SNTG1: variants seen among roughly 807,000 people sequenced by gnomAD.
The protein encoded by SNTG1 is gamma-1-syntrophin.
SNTG1 carries 39 observed loss-of-function variants against 74.7 expected under a neutral mutation model. The observed-to-expected ratio is 0.52, with a 90% CI of 0.40 to 0.68. The LOEUF is 0.68. SNTG1 is among the 30% of genes least tolerant of loss of function. SNTG1 has a pLI of 0.00. For synonymous variants in SNTG1, 254 were observed against 217.1 expected (o/e 1.17, Z -1.49); for missense variants, 685 against 609.5 (o/e 1.12, Z -1.30).
intron 8 of SNTG1, among the ~76,000 whole-genome samples, chr8:50,471,977 G>A (rs1368097902): frequency 1.3e-5 from 2 of 151,858 alleles, no homozygotes; most frequent in Non-Finnish European, 2.9e-5. Context: ...AAAATATTTA[G>A]GATTAAACTT....
chr8:50,437,795 C>G (rs1587628230), intron 4 of SNTG1, among the ~76,000 whole-genome samples: 1 of 152,094 alleles, frequency 6.6e-6, no homozygotes, highest in African/African-American at 2.4e-5. Context: ...GATGACTGCC[C>G]AAAATCAGAG....
intron 8 of SNTG1, among the ~76,000 whole-genome samples, chr8:50,451,491 G>A (rs1250020092): frequency 2.0e-5 from 3 of 152,116 alleles, no homozygotes; most frequent in South Asian, 2.1e-4. Context: ...GTGTGGGGTG[G>A]TGGGGAGAAA....
intron 1 of SNTG1, among the ~76,000 whole-genome samples, chr8:49,978,827 T>C (rs896842517): frequency 5.3e-5 from 8 of 152,168 alleles, no homozygotes; most frequent in Admixed American, 5.2e-4. Context: ...GAAATGGATG[T>C]TTAAGAAGTT....
chr8:50,421,212 C>T (rs12216754), intron 4 of SNTG1, among the ~76,000 whole-genome samples: 141,150 of 152,088 alleles, frequency 0.93, 66,013 homozygotes, highest in Non-Finnish European at 1. Flanking sequence ...TGTGAATCCA[C>T]AGAGTAAAAT....
At chr8:50,300,578 G>A (rs2089601543) in intron 2 of SNTG1, among the ~76,000 whole-genome samples, 1 of 151,852 alleles carries the variant, frequency 6.6e-6, no homozygotes, top group South Asian at 2.1e-4. Context: ...TTTAGTGATA[G>A]ATTAAGTAAA....
chr8:50,436,116 A>C (rs1381083076), intron 4 of SNTG1, among the ~76,000 whole-genome samples: 1 of 152,200 alleles, frequency 6.6e-6, no homozygotes, highest in Non-Finnish European at 1.5e-5. Context: ...GCTGCTTAAA[A>C]TGCATTTGCT....
At chr8:50,629,832 T>G (rs1261612360) in intron 13 of SNTG1, among the ~76,000 whole-genome samples, 2 of 152,192 alleles carry the variant, frequency 1.3e-5, no homozygotes, top group African/African-American at 4.8e-5. Context: ...TGGTAGTTGA[T>G]ACATCTTATA....
At chr8:49,937,788 A>G (rs1039320559) in intron 1 of SNTG1, among the ~76,000 whole-genome samples, 2 of 152,148 alleles carry the variant, frequency 1.3e-5, no homozygotes, top group African/African-American at 4.8e-5. Flanking sequence ...GTGATTTTAC[A>G]TTTCCTTTTA....
chr8:50,068,885 TCA>T (rs1250448313), intron 1 of SNTG1, among the ~76,000 whole-genome samples: 1 of 152,192 alleles, frequency 6.6e-6, no homozygotes, highest in Non-Finnish European at 1.5e-5. Context: ...CCTAATCTAT[TCA>T]CAGTTACAAT....
chr8:50,673,936 A>G (rs1166796500), intron 15 of SNTG1, among the ~76,000 whole-genome samples: 1 of 152,070 alleles, frequency 6.6e-6, no homozygotes, highest in African/African-American at 2.4e-5. Context: ...TGAGATTATC[A>G]CGTGTTTTCT....
At chr8:50,572,525 C>T (rs1228853412) in intron 12 of SNTG1, among the ~76,000 whole-genome samples, 1 of 152,020 alleles carries the variant, frequency 6.6e-6, no homozygotes, top group Non-Finnish European at 1.5e-5. Context: ...ATCTAATCAT[C>T]CTAAGGCATT....
At chr8:50,464,824 T>C (rs903098108) in intron 8 of SNTG1, among the ~76,000 whole-genome samples, 7 of 152,054 alleles carry the variant, frequency 4.6e-5, no homozygotes, top group African/African-American at 1.7e-4. Flanking sequence ...TCTGTTAACA[T>C]AGTATCTGTT....
chr8:50,612,357 A>G (rs768286759), intron 13 of SNTG1, among the ~76,000 whole-genome samples: 2 of 152,316 alleles, frequency 1.3e-5, no homozygotes, highest in Admixed American at 6.5e-5. Context: ...CTACTATATG[A>G]ATGCTCTAAA....
chr8:50,117,965 G>A (rs2080878141), intron 1 of SNTG1, among the ~76,000 whole-genome samples: 1 of 152,064 alleles, frequency 6.6e-6, no homozygotes, highest in Non-Finnish European at 1.5e-5. Flanking sequence ...ATGTGAAGTT[G>A]GCCCTGGGGA....
At chr8:49,920,677 C>A (rs1409765749) in intron 1 of SNTG1, among the ~76,000 whole-genome samples, 1 of 151,982 alleles carries the variant, frequency 6.6e-6, no homozygotes, top group Non-Finnish European at 1.5e-5. Context: ...TTATCTTGAT[C>A]TTAATCTTAT....
At chr8:50,513,334 G>T (rs543818570) in intron 9 of SNTG1, among the ~76,000 whole-genome samples, 3 of 152,208 alleles carry the variant, frequency 2.0e-5, no homozygotes, top group African/African-American at 7.2e-5. Flanking sequence ...CTACTGGGGG[G>T]TGCCTCTCAG....
intron 13 of SNTG1, among the ~76,000 whole-genome samples, chr8:50,621,651 C>A (rs748042204): frequency 5.9e-5 from 9 of 152,108 alleles, no homozygotes; most frequent in Non-Finnish European, 1.3e-4. Context: ...CCTGAGACAG[C>A]CAACAGACAA....
rs780375553 is a variant in SNTG1, at chr8:50,792,701, C to T, written c.1426C>T (p.Leu476Phe). The T allele has an allele frequency of 1.6e-5, 25 of 1,609,724 alleles. No individual in the cohort carries two copies. The East Asian group carries it at 5.6e-4, about 36-fold the overall frequency. Reference protein sequence around the residue: ...ELEFSNLFAVLHCIHSFFAAK... With the variant: ...ELEFSNLFAVFHCIHSFFAAK... ...GGAATTTTCTAATTTATTTGCTGTTCTTCACTGCATTCATTCCTTCTTTGC... is the reference window on the plus strand; with the variant it reads ...GGAATTTTCTAATTTATTTGCTGTTTTTCACTGCATTCATTCCTTCTTTGC... The change falls in exon 19 of 19, where the codon CTT becomes TTT. Residue 476 changes from leucine to phenylalanine, a missense_variant. Physicochemically the swap from Leu to Phe is conservative, Grantham distance 22. Transcript: ENST00000642720.
chr8:50,196,886 G>T (rs1346273698), intron 2 of SNTG1, among the ~76,000 whole-genome samples: 1 of 152,046 alleles, frequency 6.6e-6, no homozygotes, highest in Non-Finnish European at 1.5e-5. Context: ...GGAGGCTGAG[G>T]CAGGAAAATC....
Sources: allele counts gnomAD v4.1 joint callset (sites outside exome capture counted in the v4.1 genomes callset), GRCh38; gene constraint gnomAD v4.1.1; transcripts MANE v1.5; gene names NCBI Gene and HGNC (gene_info 2026-07-23, HGNC 2026-07-21).